Variants in AGAP1 observed in about 807,000 individuals in gnomAD.
AGAP1 encodes arf-GAP with GTPase, ANK repeat and PH domain-containing protein 1.
In AGAP1, 29 loss-of-function variants were observed where a neutral mutation model predicts 105.3. That is an observed-to-expected ratio of 0.28 (90% confidence interval 0.21 to 0.38). AGAP1 has a LOEUF of 0.38. Ranked by LOEUF, AGAP1 falls within the 10% of genes least tolerant of loss-of-function variation. The pLI is 1.00. For missense variants in AGAP1, 998 were observed against 1,165.1 expected (o/e 0.86, Z 2.09); for synonymous variants, 509 against 485.9 (o/e 1.05, Z -0.63).
At chr2:236,017,308 A>AG in intron 13 of AGAP1, among the ~76,000 whole-genome samples, 1 of 151,476 alleles carries the variant, frequency 6.6e-6, no homozygotes, top group South Asian at 2.1e-4. Flanking sequence ...AAAAAAAAAA[A>AG]TACATTACAG....
chr2:235,945,064 C>T (rs2053425704), intron 12 of AGAP1, among the ~76,000 whole-genome samples: 1 of 152,232 alleles, frequency 6.6e-6, no homozygotes, highest in Non-Finnish European at 1.5e-5. Flanking sequence ...GAACTTTTCT[C>T]TTTTCCTAAA....
intron 6 of AGAP1, among the ~76,000 whole-genome samples, chr2:235,762,673 G>C (rs1954551549): frequency 6.6e-6 from 1 of 152,122 alleles, no homozygotes; most frequent in Non-Finnish European, 1.5e-5. Context: ...TTCAAGACCA[G>C]ACCGGCCAAC....
rs989378130 is a variant in AGAP1 at position 236,126,136 on chromosome 2, T to C, written c.*2014T>C. On this transcript the variant is annotated 3_prime_UTR_variant, in exon 18 of 18. Transcript: ENST00000304032. ...AATTTCTAATCTTAACGAAGCTAAG[T>C]GGAGCTCACTCGTATCCAAAAGTAT... 1.3e-5 allele frequency: 2 copies of C among 152,182 alleles called. No individual in the cohort carries two copies. The highest frequency in any genetic ancestry group is 2.4e-5 in the African/African-American group (1 of 41,452). The allele number at this position is 152,182 out of a possible 1,614,324, so 9.4% of individuals were successfully genotyped here.
intron 12 of AGAP1, among the ~76,000 whole-genome samples, chr2:235,955,800 C>T (rs979102011): frequency 3.3e-5 from 5 of 152,066 alleles, no homozygotes; most frequent in Admixed American, 6.5e-5. Context: ...TTCGAAGCAG[C>T]GGCCTGAGTT....
chr2:236,049,495 G>T, intron 16 of AGAP1: 1 of 490,774 alleles, frequency 2.0e-6, no homozygotes, highest in Non-Finnish European at 3.6e-6. Context: ...TTTGTTTTTA[G>T]GCCTGGGGAT....
intron 16 of AGAP1, among the ~76,000 whole-genome samples, chr2:236,099,938 G>T (rs564281164): frequency 6.6e-5 from 10 of 152,222 alleles, no homozygotes; most frequent in African/African-American, 2.4e-4. Context: ...TACCCAGGAG[G>T]CTAAGACAGG....
chr2:235,607,357 A>C (rs1054596674), intron 1 of AGAP1, among the ~76,000 whole-genome samples: 1 of 152,198 alleles, frequency 6.6e-6, no homozygotes, highest in Admixed American at 6.5e-5. Context: ...ACTTTACCTT[A>C]TATTCATGCA....
chr2:235,807,431 C>T (rs41269843), intron 9 of AGAP1, 100 bp downstream of exon 9: 2 of 1,027,688 alleles, frequency 1.9e-6, no homozygotes, highest in Admixed American at 2.7e-5. Flanking sequence ...GTCTGATGTG[C>T]TCTGTTGATG....
chr2:235,878,862 C>A (rs1482069585), intron 9 of AGAP1, among the ~76,000 whole-genome samples: 1 of 152,180 alleles, frequency 6.6e-6, no homozygotes, highest in African/African-American at 2.4e-5. Flanking sequence ...CACTTCTCTC[C>A]CTGCAAGGGA....
At chr2:235,966,643 A>C (rs1360441044) in intron 12 of AGAP1, among the ~76,000 whole-genome samples, 2 of 152,122 alleles carry the variant, frequency 1.3e-5, no homozygotes, top group Admixed American at 1.3e-4. Context: ...ACCACCCACA[A>C]GGAGTGCACA....
At chr2:235,800,229 G>A (rs140385905) in intron 8 of AGAP1, among the ~76,000 whole-genome samples, 161 of 151,234 alleles carry the variant, frequency 1.1e-3, no homozygotes, top group African/African-American at 3.8e-3. Context: ...CTTCTAAGTA[G>A]CTGGGACCAT....
At chr2:235,851,629 T>G (rs2048462865) in intron 9 of AGAP1, among the ~76,000 whole-genome samples, 1 of 152,016 alleles carries the variant, frequency 6.6e-6, no homozygotes, top group African/African-American at 2.4e-5. Flanking sequence ...ACTCTAGGCT[T>G]ATCTCCGTGT....
In AGAP1 at chr2:236,126,310, T is replaced by C. The variant is rs2060003425; in HGVS notation, c.*2188T>C. On this transcript the variant is annotated 3_prime_UTR_variant, in exon 18 of 18. Transcript: ENST00000304032. ...CATTGCCTATTTTTGAAGAACGCGTTGGTGTTCGAGTCCACTAGACACACT... is the reference window on the plus strand; with the variant it reads ...CATTGCCTATTTTTGAAGAACGCGTCGGTGTTCGAGTCCACTAGACACACT... 6.6e-6 allele frequency: 1 copy of C among 152,206 alleles called. No individual in the cohort carries two copies. Among genetic ancestry groups the C allele is most frequent in the Admixed American group, 6.5e-5 (1 of 15,282 alleles). The allele number at this position is 152,206 out of a possible 1,614,324, so 9.4% of individuals were successfully genotyped here.
chr2:235,847,021 G>C lies in AGAP1; in HGVS notation c.1051-36324G>C, dbSNP rs184909521. 1.6e-4 allele frequency among the ~76,000 whole-genome samples: 24 copies of C among 152,328 alleles called. No individual in the cohort carries two copies. In the East Asian group the frequency reaches 4.6e-3, roughly 29 times the overall value. On this transcript the variant is annotated intron_variant, in intron 9 of 17. Transcript: ENST00000304032. ...GGATTGCTTGACATGTCCCAGGTTC[G>C]ACATGTTGAGCAAAATGCTAGGAGG...
At position 235,888,487 on chromosome 2, in the gene AGAP1, C is replaced by T. The variant is rs539206435; in HGVS notation, c.1155+5038C>T. 2.0e-5 allele frequency among the ~76,000 whole-genome samples: 3 copies of T among 152,140 alleles called. No individual in the cohort carries two copies. The South Asian group carries it at 6.2e-4, about 32-fold the overall frequency. ...GTCCTCCCTAGACAAGACAGGCAAG[C>T]AAGGGCCGAGTTGATAGACCTGCCT... On this transcript the variant is annotated intron_variant, in intron 10 of 17. Coordinates refer to ENST00000304032, the MANE Select transcript of AGAP1 (RefSeq NM_001037131.3). The surrounding 1 kb of genome is among the most constrained non-coding windows in gnomAD (Gnocchi z 4.8).
chr2:235,931,025 A>T lies in AGAP1; in HGVS notation c.1483+102A>T. The T allele has an allele frequency of 1.5e-6, 2 of 1,350,424 alleles. No individual in the cohort carries two copies. Among genetic ancestry groups the T allele is most frequent in the Non-Finnish European group, 2.0e-6 (2 of 1,005,398 alleles). The allele number at this position is 1,350,424 out of a possible 1,614,324, so 83.7% of individuals were successfully genotyped here. A position where few individuals can be genotyped will look rare whatever the true frequency, so the allele number is the denominator to read the frequency against. ...CCCTAAGCTCTCATGCTCCTCTGGGAGCGCAGCACCCTGTGGGGCGGCTGC... is the reference window on the plus strand; with the variant it reads ...CCCTAAGCTCTCATGCTCCTCTGGGTGCGCAGCACCCTGTGGGGCGGCTGC... On this transcript the variant is annotated intron_variant, in intron 12 of 17. Coordinates refer to ENST00000304032, the MANE Select transcript of AGAP1 (RefSeq NM_001037131.3). This position sits in a 1 kb window ranked among gnomAD's most constrained non-coding sequence, Gnocchi z 5.6.
rs1335726667 is a variant in AGAP1 at position 235,879,694 on chromosome 2, A to G, written c.1051-3651A>G. Reference sequence around the variant, plus strand: ...GTTACCCCAGCACTTCTGGGAAGCCATGGTGGGAGGATTGCTTGAGCCCAG... The same window carrying G: ...GTTACCCCAGCACTTCTGGGAAGCCGTGGTGGGAGGATTGCTTGAGCCCAG... On this transcript the variant is annotated intron_variant, in intron 9 of 17. Coordinates refer to ENST00000304032, the MANE Select transcript of AGAP1 (RefSeq NM_001037131.3). This position sits in a 1 kb window ranked among gnomAD's most constrained non-coding sequence, Gnocchi z 5.0. 1.3e-5 allele frequency among the ~76,000 whole-genome samples: 2 copies of G among 152,064 alleles called. No homozygotes were observed. The highest frequency in any genetic ancestry group is 1.9e-4 in the East Asian group (1 of 5,184).
Position 236,120,099 on chromosome 2 carries a change from C to G in AGAP1, c.2115-93C>G. 2 of 1,513,028 alleles carry G rather than the reference C, an allele frequency of 1.3e-6. No homozygotes were observed. The highest frequency in any genetic ancestry group is 1.8e-6 in the Non-Finnish European group (2 of 1,126,426). 93.7% of individuals were successfully genotyped at this position (1,513,028 alleles called of 1,614,324 possible). On this transcript the variant is annotated intron_variant, in intron 16 of 17. Transcript: ENST00000304032. This position sits in a 1 kb window ranked among gnomAD's most constrained non-coding sequence, Gnocchi z 6.0. The stretch of plus-strand genomic sequence containing the variant: ...CCTTTGCTTTCTGTTATTTCACTTC[C>G]CTCTCGGCTTCTCCCGACCACACTG...
At chr2:235,847,699 G>A (rs750334257) in intron 9 of AGAP1, among the ~76,000 whole-genome samples, 34 of 152,264 alleles carry the variant, frequency 2.2e-4, no homozygotes, top group Non-Finnish European at 4.3e-4. Context: ...ATCCTGAAAC[G>A]GGCGCCTTTC....
Sources: gnomAD v4.1 joint callset for allele counts (sites outside exome capture counted in the v4.1 genomes callset) on GRCh38, gnomAD v4.1.1 for gene constraint, Gnocchi (gnomAD v3.1) non-coding constraint, MANE v1.5 for transcripts, NCBI Gene and HGNC (gene_info 2026-07-23, HGNC 2026-07-21) for gene names.